Variants in THAP6 observed in about 807,000 individuals in gnomAD.
THAP6 encodes THAP domain-containing protein 6.
Under a neutral mutation model 20.0 loss-of-function variants are expected in THAP6, and 13 were observed. The observed-to-expected ratio is 0.65, with a 90% confidence interval of 0.42 to 1.03. The LOEUF is 1.03. THAP6 is among the 50% of genes least tolerant of loss of function. THAP6 has a pLI of 0.00. For missense variants in THAP6, 262 were observed against 261.6 expected, an observed-to-expected ratio of 1.00 and a Z score of -0.01; for synonymous variants, 93 against 92.2, an observed-to-expected ratio of 1.01 and a Z score of -0.05.
chr4:75,524,582 C>T (rs1479238010), intron 4 of THAP6, among the ~76,000 whole-genome samples: 6 of 152,080 alleles, frequency 3.9e-5, no homozygotes, highest in Non-Finnish European at 7.4e-5. Flanking sequence ...TCTAGGTTAA[C>T]AGTTTTGGGG....
chr4:75,545,077 G>A (rs544174335), intron 3 of THAP6, among the ~76,000 whole-genome samples: 7 of 152,164 alleles, frequency 4.6e-5, no homozygotes, highest in African/African-American at 1.7e-4. Flanking sequence ...ACCTCATTGG[G>A]TTGTTTTAAG....
downstream of THAP6, among the ~76,000 whole-genome samples, chr4:75,531,505 A>AATC (rs1233405255): frequency 6.6e-6 from 1 of 152,216 alleles, no homozygotes; most frequent in East Asian, 1.9e-4. Context: ...CCTTCTAGTG[A>AATC]ATCATGAAAC....
At chr4:75,545,197 G>A (rs2148835281) in intron 3 of THAP6, among the ~76,000 whole-genome samples, 1 of 152,266 alleles carries the variant, frequency 6.6e-6, no homozygotes, top group African/African-American at 2.4e-5. Context: ...CTGGTCCAAG[G>A]TCCTGCAGCT....
chr4:75,538,749 C>T (rs1726933586), intron 2 of THAP6, among the ~76,000 whole-genome samples: 1 of 152,202 alleles, frequency 6.6e-6, no homozygotes, highest in African/African-American at 2.4e-5. Flanking sequence ...AAACAACTGT[C>T]CCCCTGCTGC....
At chr4:75,532,809 C>A (rs1578278255), downstream of THAP6, among the ~76,000 whole-genome samples, 2 of 152,214 alleles carry the variant, frequency 1.3e-5, no homozygotes, top group Non-Finnish European at 2.9e-5. Context: ...TCCTTTCAGC[C>A]ATGGCTGGAG....
downstream of THAP6, among the ~76,000 whole-genome samples, chr4:75,533,835 A>C (rs925811973): frequency 2.0e-5 from 3 of 152,030 alleles, no homozygotes; most frequent in African/African-American, 4.8e-5. Context: ...ATATGTATAC[A>C]TGTGCCATGT....
Position 75,515,671 on chromosome 4 carries a change from A to G in THAP6, c.80+139A>G, listed in dbSNP as rs974522991. On this transcript the variant is annotated intron_variant, in intron 2 of 4. Coordinates refer to ENST00000311638, the MANE Select transcript of THAP6 (RefSeq NM_144721.6). ...CCTTTTTGTTAAATTTGAAGTGACAATGTGATACCTTTACATGTTTATAAT... is the reference window on the plus strand; with the variant it reads ...CCTTTTTGTTAAATTTGAAGTGACAGTGTGATACCTTTACATGTTTATAAT... The G allele has an allele frequency of 3.3e-5, 24 of 724,548 alleles. No individual in the cohort carries two copies. In the African/African-American group the frequency reaches 3.4e-4, roughly 10 times the overall value. The allele number at this position is 724,548 out of a possible 1,614,324, so 44.9% of individuals were successfully genotyped here.
intron 4 of THAP6, 45 bp from the exon 5 acceptor site, chr4:75,526,915 A>T: frequency 6.3e-7 from 1 of 1,587,592 alleles, no homozygotes; most frequent in Non-Finnish European, 8.6e-7. Context: ...CTTTTATCCA[A>T]CTACATATCT....
intron 3 of THAP6, among the ~76,000 whole-genome samples, chr4:75,545,614 C>T (rs1727108581): frequency 6.6e-6 from 1 of 152,208 alleles, no homozygotes; most frequent in Non-Finnish European, 1.5e-5. Flanking sequence ...CCTCCCTCAA[C>T]CTGACTCAGG....
chr4:75,518,788 T>C (rs1441972438), intron 3 of THAP6, among the ~76,000 whole-genome samples: 6 of 152,234 alleles, frequency 3.9e-5, no homozygotes, highest in African/African-American at 1.4e-4. Context: ...ATCCTACATC[T>C]TCCAGAGAAT....
intron 2 of THAP6, among the ~76,000 whole-genome samples, chr4:75,540,461 T>A (rs1002169425): frequency 6.6e-5 from 10 of 152,212 alleles, no homozygotes; most frequent in Admixed American, 4.6e-4. Flanking sequence ...TCACCTGAGC[T>A]CCATGTTCTG....
chr4:75,514,330 T>TA, upstream of THAP6: 1 of 1,586,386 alleles, frequency 6.3e-7, no homozygotes, highest in South Asian at 1.1e-5. Flanking sequence ...TCCCCCAGGA[T>TA]AAAAACCACG....
upstream of THAP6, chr4:75,514,134 C>T (rs753720281): frequency 6.4e-7 from 1 of 1,570,600 alleles, no homozygotes; most frequent in Admixed American, 1.7e-5. Flanking sequence ...TAACCACCTG[C>T]CCAGCCCGCC....
At chr4:75,522,756 T>TA (rs1726111498) in intron 4 of THAP6, among the ~76,000 whole-genome samples, 1 of 152,212 alleles carries the variant, frequency 6.6e-6, no homozygotes, top group African/African-American at 2.4e-5. Context: ...TCTGTGTTGT[T>TA]ACAAATGTCT....
At position 75,514,488 on chromosome 4, in the gene THAP6, C is replaced by T. The variant is rs1003660433; in HGVS notation, c.-53C>T. On this transcript the variant is annotated 5_prime_UTR_variant, in exon 1 of 5. Transcript: ENST00000311638. ...AAGCGAAGGCAGACGCAGTCTCCGT[C>T]GTTGACGTTAGTCGCAGTCTTCGCT... 1.1e-5 allele frequency: 6 copies of T among 544,152 alleles called. No individual in the cohort carries two copies. The highest frequency in any genetic ancestry group is 3.1e-5 in the Admixed American group (1 of 32,568). The allele number at this position is 544,152 out of a possible 1,614,324, so 33.7% of individuals were successfully genotyped here. A position where few individuals can be genotyped will look rare whatever the true frequency, so the allele number is the denominator to read the frequency against.
At chr4:75,533,266 T>A (rs116568472), downstream of THAP6, among the ~76,000 whole-genome samples, 351 of 152,314 alleles carry the variant, frequency 2.3e-3, 1 homozygote, top group African/African-American at 8.1e-3. Flanking sequence ...CCAGTTTCTT[T>A]ACTAAAACAT....
intron 4 of THAP6, among the ~76,000 whole-genome samples, chr4:75,523,039 C>A (rs1445298544): frequency 2.0e-5 from 3 of 152,150 alleles, no homozygotes; most frequent in Non-Finnish European, 4.4e-5. Flanking sequence ...AACTGTTCTC[C>A]ATAGTGGTTG....
At position 75,528,366 on chromosome 4, in the gene THAP6, G is replaced by A. The variant is rs770463155; in HGVS notation, c.*1152G>A. The stretch of plus-strand genomic sequence containing the variant: ...ACTGAAATTGAGAGTCATAAATACT[G>A]TGGGTTAGAATAAAAACCATTTGCC... On this transcript the variant is annotated 3_prime_UTR_variant, in exon 5 of 5. Coordinates refer to ENST00000311638, the MANE Select transcript of THAP6 (RefSeq NM_144721.6). 3.5e-5 allele frequency: 34 copies of A among 985,250 alleles called. No individual in the cohort carries two copies. Among genetic ancestry groups the A allele is most frequent in the Non-Finnish European group, 4.0e-5 (33 of 829,924 alleles). 61.0% of individuals were successfully genotyped at this position (985,250 alleles called of 1,614,324 possible). A position where few individuals can be genotyped will look rare whatever the true frequency, so the allele number is the denominator to read the frequency against.
rs183145770 is a variant in THAP6 at position 75,537,185 on chromosome 4, G to C, written c.166-5224G>C. On this transcript the variant is annotated intron_variant, in intron 2 of 4. Transcript: ENST00000502620. The stretch of plus-strand genomic sequence containing the variant: ...GAAGAACGTGGTCTCAGAAGTCTAG[G>C]GGGGGCACCAAAACTAACGGGGACT... Among the ~76,000 whole-genome samples, 255 of 152,186 alleles carry C rather than the reference G, an allele frequency of 1.7e-3. 1 individual carries two copies. The highest frequency in any genetic ancestry group is 5.9e-3 in the African/African-American group (243 of 41,534).
Sources: allele counts gnomAD v4.1 joint callset (sites outside exome capture counted in the v4.1 genomes callset), GRCh38; gene constraint gnomAD v4.1.1; transcripts MANE v1.5; gene names NCBI Gene and HGNC (gene_info 2026-07-23, HGNC 2026-07-21).